HDAC9: variants seen among roughly 807,000 people sequenced by gnomAD.
The protein encoded by HDAC9 is MEF-2 interacting transcription repressor (MITR) protein.
HDAC9 carries 41 observed loss-of-function variants against 139.4 expected under a neutral mutation model. That is an observed-to-expected ratio of 0.29 (90% CI 0.23 to 0.38). The LOEUF (loss-of-function observed/expected upper bound fraction) is 0.38, where lower values mean the gene tolerates loss of function less well. Ranked by LOEUF, HDAC9 falls within the 10% of genes least tolerant of loss-of-function variation. HDAC9 has a pLI of 1.00. For missense variants in HDAC9, 1,147 were observed against 1,297.0 expected (o/e 0.88, Z 1.78); for synonymous variants, 517 against 476.2 (o/e 1.09, Z -1.12).
At chr7:18,189,963 G>C (rs940879452) in intron 2 of HDAC9, among the ~76,000 whole-genome samples, 60 of 152,086 alleles carry the variant, frequency 3.9e-4, no homozygotes, top group African/African-American at 1.4e-3. Flanking sequence ...GTTTGAGACA[G>C]AGTTTTGCTC....
chr7:18,735,041 A>G (rs1271327101), intron 13 of HDAC9, among the ~76,000 whole-genome samples: 3 of 152,190 alleles, frequency 2.0e-5, no homozygotes, highest in Non-Finnish European at 4.4e-5. Context: ...TCTTCTTTTG[A>G]GAAGTGTCTG....
chr7:18,975,632 CA>C (rs1421409343), intron 24 of HDAC9, among the ~76,000 whole-genome samples, 173 bp from the exon 25 acceptor site: 3 of 152,178 alleles, frequency 2.0e-5, no homozygotes, highest in Non-Finnish European at 4.4e-5. Context: ...CACAACTTGG[CA>C]TTCTTATATT....
chr7:18,109,536 T>C (rs1264480959), intron 1 of HDAC9, among the ~76,000 whole-genome samples: 2 of 152,108 alleles, frequency 1.3e-5, no homozygotes, highest in African/African-American at 2.4e-5. Flanking sequence ...GTACCATACA[T>C]AGATGGATTT....
intron 1 of HDAC9, among the ~76,000 whole-genome samples, chr7:18,090,418 T>C (rs1217505990): frequency 1.3e-5 from 2 of 152,220 alleles, no homozygotes; most frequent in Non-Finnish European, 2.9e-5. Context: ...CTCTAATAGC[T>C]ACTGCTGAAA....
intron 1 of HDAC9, among the ~76,000 whole-genome samples, chr7:18,391,258 GC>G (rs928524243): frequency 6.6e-6 from 1 of 152,054 alleles, no homozygotes; most frequent in Non-Finnish European, 1.5e-5. Context: ...GGTGGCACGT[GC>G]CTGTAATTCC....
At chr7:18,571,146 A>G (rs1401328731) in intron 2 of HDAC9, among the ~76,000 whole-genome samples, 2 of 152,264 alleles carry the variant, frequency 1.3e-5, no homozygotes, top group African/African-American at 2.4e-5. Context: ...AGCACATTAC[A>G]TGAATTTTTA....
chr7:18,320,890 G>T (rs1196299830), intron 1 of HDAC9, among the ~76,000 whole-genome samples: 1 of 152,180 alleles, frequency 6.6e-6, no homozygotes, highest in East Asian at 1.9e-4. Flanking sequence ...CTTTTTAGGA[G>T]AACTTTCCAA....
chr7:18,518,861 G>T (rs1443384187), intron 2 of HDAC9, among the ~76,000 whole-genome samples: 1 of 152,186 alleles, frequency 6.6e-6, no homozygotes, highest in African/African-American at 2.4e-5. Context: ...CAAGGAAAAG[G>T]CTTCCGACAT....
chr7:18,721,580 T>C (rs1485149106), intron 12 of HDAC9, among the ~76,000 whole-genome samples: 1 of 152,212 alleles, frequency 6.6e-6, no homozygotes, highest in Non-Finnish European at 1.5e-5. Flanking sequence ...TTATGATTTC[T>C]GTCATTTGCT....
intron 25 of HDAC9, among the ~76,000 whole-genome samples, chr7:18,988,639 A>T (rs1227436446): frequency 6.6e-6 from 1 of 152,036 alleles, no homozygotes; most frequent in Non-Finnish European, 1.5e-5. Context: ...TGTCTCATTG[A>T]TCTGTCTAAT....
chr7:18,137,970 C>T lies in HDAC9; in HGVS notation c.-96-24259C>T, dbSNP rs1196633510. Among the ~76,000 whole-genome samples, 6 of 151,688 alleles carry T rather than the reference C, an allele frequency of 4.0e-5. No homozygotes were observed. The East Asian group carries it at 9.7e-4, about 25-fold the overall frequency. On this transcript the variant is annotated intron_variant, in intron 1 of 12. Transcript: ENST00000417496. Reference sequence around the variant, plus strand: ...TTGGTTGGTAAGCTATTGATTATTGCCACAATTTCAGATCCTGTTATTGGT... The same window carrying T: ...TTGGTTGGTAAGCTATTGATTATTGTCACAATTTCAGATCCTGTTATTGGT...
intron 9 of HDAC9, 30 bp downstream of exon 9, chr7:18,644,823 C>T: frequency 1.9e-6 from 3 of 1,584,264 alleles, no homozygotes; most frequent in Non-Finnish European, 2.6e-6. Context: ...CAGCCTTAAT[C>T]AACCTAAGCA....
At position 18,690,703 on chromosome 7, in the gene HDAC9, T is replaced by C. The variant is rs545130705; in HGVS notation, c.1731+24227T>C. 7.8e-4 allele frequency among the ~76,000 whole-genome samples: 118 copies of C among 152,182 alleles called. No individual in the cohort carries two copies. The Middle Eastern group carries it at 0.017, about 22-fold the overall frequency. ...TTATTCATAGAAAAGAGAAGTCTAA[T>C]TATTTTGAGAGAAAATCCTCTCGAA... On this transcript the variant is annotated intron_variant, in intron 12 of 25. Transcript: ENST00000686413.
In HDAC9 at chr7:18,263,410, G is replaced by A. The variant is rs548523681; in HGVS notation, c.25+101061G>A. Among the ~76,000 whole-genome samples, 5 of 152,280 alleles carry A rather than the reference G, an allele frequency of 3.3e-5. No individual in the cohort carries two copies. The South Asian group carries it at 1.0e-3, about 32-fold the overall frequency. ...AGATCAGGAGGGCAGGCAGGAGGAT[G>A]TTAAAAGAAAGGTACTGAGGTGTAA... On this transcript the variant is annotated intron_variant, in intron 2 of 12. Transcript: ENST00000417496.
chr7:18,312,043 A>G (rs960408726), intron 1 of HDAC9, among the ~76,000 whole-genome samples: 2 of 152,188 alleles, frequency 1.3e-5, no homozygotes, highest in Non-Finnish European at 2.9e-5. Context: ...TTCCTGGTGA[A>G]TGAGGAGAGG....
chr7:18,299,391 A>C (rs1278645022), intron 1 of HDAC9, among the ~76,000 whole-genome samples: 1 of 152,104 alleles, frequency 6.6e-6, no homozygotes, highest in African/African-American at 2.4e-5. Flanking sequence ...AGCGTAATGG[A>C]CCCTATCACA....
chr7:18,638,977 T>C (rs1294673283), intron 8 of HDAC9, among the ~76,000 whole-genome samples: 1 of 152,116 alleles, frequency 6.6e-6, no homozygotes, highest in Non-Finnish European at 1.5e-5. Context: ...ATATCAACAC[T>C]ATTACTTTAG....
Position 18,320,735 on chromosome 7 carries a change from C to T in HDAC9, c.-42+30220C>T, listed in dbSNP as rs555799384. Among the ~76,000 whole-genome samples the T allele has an allele frequency of 8.5e-5, 13 of 152,148 alleles. 1 individual carries two copies. The highest frequency in any genetic ancestry group is 1.8e-4 in the Non-Finnish European group (12 of 68,044). On this transcript the variant is annotated intron_variant, in intron 1 of 3. Transcript: ENST00000413509. ...TGAGCAGATAAGTCTGACATTTCCT[C>T]CCACTTTGTTTCTCTCCTTGGACAC...
In HDAC9 at chr7:18,388,950, C is replaced by T. The variant is rs139482590; in HGVS notation, c.-42+98435C>T. Among the ~76,000 whole-genome samples, 266 of 152,252 alleles carry T rather than the reference C, an allele frequency of 1.7e-3. 1 individual carries two copies. Among genetic ancestry groups the T allele is most frequent in the African/African-American group, 5.9e-3 (245 of 41,546 alleles). On this transcript the variant is annotated intron_variant, in intron 1 of 3. Coordinates refer to the HDAC9 transcript ENST00000413509. ...TCTAGTTAATTTTTGTCTGAACTAACCTTTTTCTTGTCGTACCTTGCAGTC... is the reference window on the plus strand; with the variant it reads ...TCTAGTTAATTTTTGTCTGAACTAATCTTTTTCTTGTCGTACCTTGCAGTC...
Sources: gnomAD v4.1 joint callset for allele counts (sites outside exome capture counted in the v4.1 genomes callset) on GRCh38, gnomAD v4.1.1 for gene constraint, MANE v1.5 for transcripts, NCBI Gene and HGNC (gene_info 2026-07-23, HGNC 2026-07-21) for gene names.